SNX30: variants seen among roughly 807,000 people sequenced by gnomAD.
SNX30 encodes sorting nexin-30.
A neutral mutation model predicts 46.4 loss-of-function variants in SNX30; 24 were observed. The observed-to-expected ratio is 0.52, with a 90% CI of 0.37 to 0.73. The LOEUF (loss-of-function observed/expected upper bound fraction) is 0.73, where lower values mean the gene tolerates loss of function less well. Ranked by LOEUF, SNX30 falls within the 30% of genes least tolerant of loss-of-function variation. SNX30 has a pLI of 0.00. For synonymous variants in SNX30, 189 were observed against 211.5 expected (o/e 0.89, Z 0.92); for missense variants, 533 against 555.7 (o/e 0.96, Z 0.41).
intron 4 of SNX30, 49 bp downstream of exon 4, chr9:112,830,932 G>T: frequency 6.5e-7 from 1 of 1,535,032 alleles, no homozygotes. Context: ...CATTCTTGGG[G>T]CTCTTTCCTA....
chr9:112,839,583 A>G (rs528328591), intron 6 of SNX30, among the ~76,000 whole-genome samples: 1 of 152,182 alleles, frequency 6.6e-6, no homozygotes, highest in East Asian at 1.9e-4. Flanking sequence ...CTGCACATAG[A>G]CTGGTTGGAG....
At chr9:112,884,480 A>G (rs1841620779), downstream of SNX30, among the ~76,000 whole-genome samples, 1 of 152,228 alleles carries the variant, frequency 6.6e-6, no homozygotes, top group South Asian at 2.1e-4. Flanking sequence ...AAGGAAAGTA[A>G]TGGAAACACT....
At chr9:112,801,148 T>C (rs1840167093) in intron 1 of SNX30, among the ~76,000 whole-genome samples, 1 of 14,454 alleles carries the variant, frequency 6.9e-5, no homozygotes, top group Non-Finnish European at 1.6e-4. Flanking sequence ...CTGCTCTGAT[T>C]TTAGTTATTT....
chr9:112,842,904 C>T (rs57546880), intron 6 of SNX30, among the ~76,000 whole-genome samples: 26,568 of 152,150 alleles, frequency 0.17, 3,131 homozygotes, highest in African/African-American at 0.34. Flanking sequence ...GATATGTGTG[C>T]GGGGACAGGA....
chr9:112,798,249 G>C (rs1840146404), intron 1 of SNX30, among the ~76,000 whole-genome samples: 1 of 83,264 alleles, frequency 1.2e-5, no homozygotes, highest in Non-Finnish European at 2.3e-5. Context: ...TCTAGCATTA[G>C]GTATATCTCC....
At chr9:112,825,650 G>A (rs1840570028) in intron 3 of SNX30, among the ~76,000 whole-genome samples, 1 of 151,370 alleles carries the variant, frequency 6.6e-6, no homozygotes, top group Non-Finnish European at 1.5e-5. Flanking sequence ...CATTCTACCT[G>A]TAAGTCCACT....
chr9:112,788,378 C>G (rs1351429991), intron 1 of SNX30, among the ~76,000 whole-genome samples: 2 of 152,110 alleles, frequency 1.3e-5, no homozygotes, highest in African/African-American at 4.8e-5. Flanking sequence ...GTGTGTAGTA[C>G]CATGTCAGAT....
At chr9:112,810,923 A>G (rs1840309560) in intron 2 of SNX30, among the ~76,000 whole-genome samples, 1 of 152,032 alleles carries the variant, frequency 6.6e-6, no homozygotes, top group Admixed American at 6.5e-5. Flanking sequence ...GGAGCATGTC[A>G]GCAGCAGCTC....
rs531921168 is a variant in SNX30, at chr9:112,874,407, C to T, written c.*5564C>T. 2.6e-5 allele frequency: 4 copies of T among 152,320 alleles called. No homozygotes were observed. The South Asian group carries it at 8.3e-4, about 32-fold the overall frequency. The allele number at this position is 152,320 out of a possible 1,614,324, so 9.4% of individuals were successfully genotyped here. Reference sequence around the variant, plus strand: ...ATATTCCTGTGAAATAAACTGCCAGCAAACTTTCTAACTTGTATTTTAACT... The same window carrying T: ...ATATTCCTGTGAAATAAACTGCCAGTAAACTTTCTAACTTGTATTTTAACT... On this transcript the variant is annotated 3_prime_UTR_variant, in exon 9 of 9. Coordinates refer to ENST00000374232, the MANE Select transcript of SNX30 (RefSeq NM_001012994.2).
At chr9:112,751,472 G>A (rs1463863633) in intron 1 of SNX30, among the ~76,000 whole-genome samples, 1 of 152,220 alleles carries the variant, frequency 6.6e-6, no homozygotes, top group African/African-American at 2.4e-5. Context: ...CTCGGATGGG[G>A]TTCCGAGTTC....
chr9:112,805,825 A>T (rs899666526), intron 2 of SNX30, among the ~76,000 whole-genome samples: 3 of 152,214 alleles, frequency 2.0e-5, no homozygotes, highest in Admixed American at 2.0e-4. Context: ...CAGATGAAGA[A>T]ATAGAGGTGG....
chr9:112,772,203 A>T (rs998105387), intron 1 of SNX30, among the ~76,000 whole-genome samples: 1 of 152,142 alleles, frequency 6.6e-6, no homozygotes, highest in Non-Finnish European at 1.5e-5. Flanking sequence ...CTCTAGCTTC[A>T]TTTCAGTTTC....
downstream of SNX30, chr9:112,879,576 G>A (rs1841552854): frequency 1.8e-5 from 10 of 556,460 alleles, no homozygotes; most frequent in South Asian, 2.0e-4. Context: ...TCCATCACCA[G>A]GAAAGTGCTT....
At chr9:112,762,676 C>G (rs966174109) in intron 1 of SNX30, among the ~76,000 whole-genome samples, 1 of 152,168 alleles carries the variant, frequency 6.6e-6, no homozygotes, top group Admixed American at 6.5e-5. Flanking sequence ...TAAGTCTTGT[C>G]GTTGCCTTAG....
At chr9:112,879,783 A>T, downstream of SNX30, 1 of 1,613,264 alleles carries the variant, frequency 6.2e-7, no homozygotes. Context: ...TGATGTCTCC[A>T]TATGGTGACA....
chr9:112,850,936 C>T lies in SNX30; in HGVS notation c.1092C>T (p.Asp364=), dbSNP rs1405331075. The T allele has an allele frequency of 2.5e-6, 4 of 1,613,872 alleles. No homozygotes were observed. The Admixed American group carries it at 6.7e-5, about 27-fold the overall frequency. Residue 364 remains aspartate, a synonymous_variant, in exon 7 of 9, where the codon GAC becomes GAT. Transcript: ENST00000374232. ...KLEAVALRKE[D]RPKVPADVEK... is the part of the protein sequence containing the mutation. ...AAGCTGTGGCTCTGCGGAAGGAAGA[C>T]CGCCCCAAGGTCAGGGAAGCCACCT... is the stretch of plus-strand genomic sequence containing the variant.
At chr9:112,798,040 A>T (rs1588120236) in intron 1 of SNX30, among the ~76,000 whole-genome samples, 1 of 148,078 alleles carries the variant, frequency 6.8e-6, no homozygotes, top group Non-Finnish European at 1.5e-5. Context: ...ACCTGGGCCC[A>T]CGTGGTGGTC....
At chr9:112,859,554 A>G (rs1841195002) in intron 7 of SNX30, among the ~76,000 whole-genome samples, 1 of 152,224 alleles carries the variant, frequency 6.6e-6, no homozygotes, top group African/African-American at 2.4e-5. Flanking sequence ...TAGCAGCTAT[A>G]CTGTTTTACA....
At chr9:112,818,261 G>T (rs1840434912) in intron 3 of SNX30, among the ~76,000 whole-genome samples, 2 of 147,484 alleles carry the variant, frequency 1.4e-5, no homozygotes, top group South Asian at 4.2e-4. Context: ...GTGCGCAATG[G>T]CATGATCGCA....
Sources: allele counts gnomAD v4.1 joint callset (sites outside exome capture counted in the v4.1 genomes callset), GRCh38; gene constraint gnomAD v4.1.1; transcripts MANE v1.5; gene names NCBI Gene and HGNC (gene_info 2026-07-23, HGNC 2026-07-21).